The following AKT3 variants were observed in gnomAD, a reference collection of about 807,000 sequenced individuals.
AKT3 encodes AKT serine/threonine kinase 3.
In AKT3, 15 loss-of-function variants were observed where a neutral mutation model predicts 65.3. That is an observed-to-expected ratio of 0.23 (90% CI 0.15 to 0.35). The LOEUF (loss-of-function observed/expected upper bound fraction) is 0.35, where lower values mean the gene tolerates loss of function less well. AKT3 is among the 10% of genes least tolerant of loss of function. The pLI, the probability that AKT3 is intolerant of heterozygous loss-of-function variation, is 1.00. For missense variants in AKT3, 243 were observed against 576.5 expected (o/e 0.42, Z 5.92); for synonymous variants, 206 against 183.8 (o/e 1.12, Z -0.98).
chr1:243,506,949 C>T (rs1183544914), intron 13 of AKT3, among the ~76,000 whole-genome samples: 1 of 152,196 alleles, frequency 6.6e-6, no homozygotes, highest in African/African-American at 2.4e-5. Context: ...GATGGTGTAC[C>T]CGTGGTTGAG....
rs2148507366 is a variant in AKT3 at position 243,572,965 on chromosome 1, G to A, written c.780C>T (p.Asp260=). 5 of 1,611,680 alleles carry A rather than the reference G, an allele frequency of 3.1e-6. No individual in the cohort carries two copies. The highest frequency in any genetic ancestry group is 4.2e-6 in the Non-Finnish European group (5 of 1,179,196). ...ACACAATCTTTCCGGAATGTAGATAGTCCAAGGCAGAGACAATTTCTGCAC... is the reference window on the plus strand; with the variant it reads ...ACACAATCTTTCCGGAATGTAGATAATCCAAGGCAGAGACAATTTCTGCAC... ...FYGAEIVSAL[D]YLHSGKIVYR... is the part of the protein sequence containing the mutation. Residue 260 remains aspartate, a synonymous_variant, in exon 9 of 14, where the codon GAC becomes GAT. Coordinates refer to ENST00000673466, the MANE Select transcript of AKT3 (RefSeq NM_005465.7).
intron 3 of AKT3, among the ~76,000 whole-genome samples, chr1:243,682,371 C>A (rs1002381806): frequency 3.9e-5 from 6 of 152,022 alleles, no homozygotes; most frequent in South Asian, 2.1e-4. Context: ...CAGTTTATAA[C>A]CTTTTTAGCT....
At chr1:243,781,907 C>CG (rs1690940127) in intron 2 of AKT3, among the ~76,000 whole-genome samples, 1 of 152,180 alleles carries the variant, frequency 6.6e-6, no homozygotes, top group Non-Finnish European at 1.5e-5. Context: ...ACTGCAGCCT[C>CG]GACCTTCTGA....
At chr1:243,762,318 C>T (rs1249670080) in intron 2 of AKT3, among the ~76,000 whole-genome samples, 2 of 151,878 alleles carry the variant, frequency 1.3e-5, no homozygotes, top group Admixed American at 1.3e-4. Context: ...TTAAATACCC[C>T]CTTTGAAACT....
chr1:243,619,561 G>GT (rs1470689781), intron 6 of AKT3, among the ~76,000 whole-genome samples: 1 of 91,682 alleles, frequency 1.1e-5, no homozygotes, highest in African/African-American at 2.7e-5. Context: ...ATGCAATCCC[G>GT]TTTTTTAGCT....
chr1:243,595,417 T>C (rs954865310), intron 8 of AKT3, among the ~76,000 whole-genome samples: 3 of 152,236 alleles, frequency 2.0e-5, no homozygotes, highest in Non-Finnish European at 4.4e-5. Context: ...CACTGTATAA[T>C]GTATAAAATA....
intron 2 of AKT3, among the ~76,000 whole-genome samples, chr1:243,753,451 G>T (rs1688934530): frequency 6.6e-6 from 1 of 151,946 alleles, no homozygotes; most frequent in African/African-American, 2.4e-5. Context: ...CTTCAAAATT[G>T]ACCTAAAAAT....
Position 243,521,337 on chromosome 1 carries a change from T to C in AKT3, c.1252-8911A>G, listed in dbSNP as rs116523130. Among the ~76,000 whole-genome samples, 455 of 152,320 alleles carry C rather than the reference T, an allele frequency of 3.0e-3. 2 individuals carry two copies. The highest frequency in any genetic ancestry group is 0.01 in the Middle Eastern group (3 of 294). Reference sequence around the variant, plus strand: ...AATCTGGTGCTATAATTTTCACTTCTCTGAAACAACATGAGAAAGTAGTCA... The same window carrying C: ...AATCTGGTGCTATAATTTTCACTTCCCTGAAACAACATGAGAAAGTAGTCA... On this transcript the variant is annotated intron_variant, in intron 12 of 13. Coordinates refer to ENST00000673466, the MANE Select transcript of AKT3 (RefSeq NM_005465.7).
intron 2 of AKT3, among the ~76,000 whole-genome samples, chr1:243,762,017 T>C (rs1689526963): frequency 6.6e-6 from 1 of 152,074 alleles, no homozygotes; most frequent in South Asian, 2.1e-4. Context: ...TTGGTCAGGA[T>C]ACCTGGCAAC....
intron 5 of AKT3, among the ~76,000 whole-genome samples, chr1:243,642,951 T>A (rs1318629704): frequency 6.6e-6 from 1 of 152,184 alleles, no homozygotes; most frequent in Non-Finnish European, 1.5e-5. Flanking sequence ...ACATTTACAA[T>A]GTAACAGCAA....
chr1:243,808,778 G>A (rs1278665205), intron 2 of AKT3, among the ~76,000 whole-genome samples: 1 of 152,230 alleles, frequency 6.6e-6, no homozygotes, highest in African/African-American at 2.4e-5. Flanking sequence ...GGCAGCCAGA[G>A]AGAAAGGTCG....
chr1:243,709,258 T>C (rs1198659299), intron 2 of AKT3, among the ~76,000 whole-genome samples: 3 of 114,600 alleles, frequency 2.6e-5, no homozygotes, highest in Non-Finnish European at 5.6e-5. Flanking sequence ...TTCTCCCATA[T>C]AGAAAAAAAA....
At position 243,522,736 on chromosome 1, in the gene AKT3, G is replaced by A. The variant is rs74390128; in HGVS notation, c.1252-10310C>T. Among the ~76,000 whole-genome samples, 375 of 152,118 alleles carry A rather than the reference G, an allele frequency of 2.5e-3. 15 individuals carry two copies. In the East Asian group the frequency reaches 0.068, roughly 27 times the overall value. ...ATAGATACACACACATACACAGAAA[G>A]GCTATATAATGTAGGTAGGTTACTA... On this transcript the variant is annotated intron_variant, in intron 12 of 13. Coordinates refer to ENST00000673466, the MANE Select transcript of AKT3 (RefSeq NM_005465.7).
chr1:243,639,721 T>C (rs1285694896), intron 5 of AKT3, among the ~76,000 whole-genome samples: 1 of 152,210 alleles, frequency 6.6e-6, no homozygotes, highest in Non-Finnish European at 1.5e-5. Context: ...AATCCACCCC[T>C]TGTTTAGCAT....
rs144802962 is a variant in AKT3 at position 243,786,524 on chromosome 1, A to G, written c.46+56601T>C. Among the ~76,000 whole-genome samples, 230 of 152,350 alleles carry G rather than the reference A, an allele frequency of 1.5e-3. 1 individual carries two copies. Among genetic ancestry groups the G allele is most frequent in the Admixed American group, 0.011 (167 of 15,302 alleles). ...TTTCCATCAGCTCAAGAAACCACAA[A>G]TATCTTCAATTAATTCTGTTTATAC... On this transcript the variant is annotated intron_variant, in intron 2 of 13. Coordinates refer to ENST00000673466, the MANE Select transcript of AKT3 (RefSeq NM_005465.7).
intron 2 of AKT3, chr1:243,735,210 T>A (rs1005963237): frequency 6.6e-6 from 1 of 152,230 alleles, no homozygotes; most frequent in Non-Finnish European, 1.5e-5. Context: ...TTATTATCAT[T>A]ATCAAGTACT....
intron 3 of AKT3, among the ~76,000 whole-genome samples, chr1:243,669,915 C>T (rs563197668): frequency 2.6e-5 from 4 of 152,244 alleles, no homozygotes; most frequent in Admixed American, 2.6e-4. Context: ...ACTGTTCTTA[C>T]TAAACTTGCT....
chr1:243,724,708 G>A (rs1327499561), intron 2 of AKT3, among the ~76,000 whole-genome samples: 1 of 152,046 alleles, frequency 6.6e-6, no homozygotes, highest in Non-Finnish European at 1.5e-5. Flanking sequence ...GTGGACTATT[G>A]CCCTCCCTTT....
chr1:243,778,613 AAAGTAT>A (rs1485744298), intron 2 of AKT3, among the ~76,000 whole-genome samples: 2 of 152,196 alleles, frequency 1.3e-5, no homozygotes, highest in Non-Finnish European at 2.9e-5. Flanking sequence ...TTAGAGGTAC[AAAGTAT>A]AAGTGTGTGC....
Sources: allele counts gnomAD v4.1 joint callset (sites outside exome capture counted in the v4.1 genomes callset), GRCh38; gene constraint gnomAD v4.1.1; transcripts MANE v1.5; gene names NCBI Gene and HGNC (gene_info 2026-07-23, HGNC 2026-07-21).